LOC400499: variants seen among roughly 807,000 people sequenced by gnomAD.
At chr16:11,423,705 T>C in the LOC400499 span, among the ~76,000 whole-genome samples, 7 of 152,302 alleles carry the variant, frequency 4.6e-5, no homozygotes, top group South Asian at 1.4e-3. Context: ...TGCTTTTCAT[T>C]TCTGAGAACA....
chr16:11,390,230 G>A, the LOC400499 span: 1 of 1,232,466 alleles, frequency 8.1e-7, no homozygotes, highest in East Asian at 3.2e-5. Context: ...AGTGAGAGCT[G>A]GCTCAGTCAT....
chr16:11,398,061 C>T, the LOC400499 span, among the ~76,000 whole-genome samples: 1 of 152,204 alleles, frequency 6.6e-6, no homozygotes, highest in Non-Finnish European at 1.5e-5. Flanking sequence ...GCAGCTCTAA[C>T]TCATGTGCCC....
the LOC400499 span, among the ~76,000 whole-genome samples, chr16:11,491,455 G>T: frequency 6.6e-6 from 1 of 152,148 alleles, no homozygotes; most frequent in Non-Finnish European, 1.5e-5. Context: ...GAGGACCAGA[G>T]AGGAGAAGCA....
chr16:11,459,065 T>A, the LOC400499 span, among the ~76,000 whole-genome samples: 2 of 148,768 alleles, frequency 1.3e-5, no homozygotes, highest in Admixed American at 6.7e-5. Context: ...AATAAATAAA[T>A]AAATAAATAA....
the LOC400499 span, among the ~76,000 whole-genome samples, chr16:11,504,534 C>A: frequency 4.2e-3 from 634 of 151,774 alleles, 4 homozygotes; most frequent in African/African-American, 0.014. Context: ...CCAGCCTGAG[C>A]AACAGAGCGA....
the LOC400499 span, among the ~76,000 whole-genome samples, chr16:11,429,827 A>T: frequency 1.3e-5 from 2 of 152,168 alleles, no homozygotes; most frequent in Admixed American, 6.5e-5. Flanking sequence ...CCATTTGGCA[A>T]TCATCATAAC....
At chr16:11,520,646 G>A in the LOC400499 span, among the ~76,000 whole-genome samples, 935 of 132,960 alleles carry the variant, frequency 7.0e-3, 9 homozygotes, top group African/African-American at 0.025. Flanking sequence ...CAGCCTGGGC[G>A]ACAGAGTGAG....
chr16:11,455,278 A>G, the LOC400499 span, among the ~76,000 whole-genome samples: 1 of 152,234 alleles, frequency 6.6e-6, no homozygotes, highest in Non-Finnish European at 1.5e-5. Flanking sequence ...AGGGGCACCA[A>G]TCTAAGAGTT....
At chr16:11,502,159 G>T in the LOC400499 span, 40 of 399,022 alleles carry the variant, frequency 1.0e-4, no homozygotes, top group African/African-American at 7.0e-4. Context: ...TGGGACACCA[G>T]TGTCAGGAAC....
the LOC400499 span, among the ~76,000 whole-genome samples, chr16:11,460,252 A>T: frequency 6.6e-6 from 1 of 152,148 alleles, no homozygotes; most frequent in African/African-American, 2.4e-5. Context: ...ACTGGAGTAC[A>T]GTGGCGCCAT....
chr16:11,397,650 A>G, the LOC400499 span, among the ~76,000 whole-genome samples: 2 of 152,002 alleles, frequency 1.3e-5, no homozygotes, highest in Admixed American at 6.6e-5. Context: ...AGACAGTGGT[A>G]AAGTTGGTTG....
the LOC400499 span, among the ~76,000 whole-genome samples, chr16:11,459,723 C>G: frequency 6.6e-6 from 1 of 152,226 alleles, no homozygotes; most frequent in Non-Finnish European, 1.5e-5. Context: ...GTTTCTCACC[C>G]CTGGGGACAT....
chr16:11,383,753 C>A, the LOC400499 span: 1 of 1,232,358 alleles, frequency 8.1e-7, no homozygotes. Context: ...GGGACCTGCA[C>A]ACACAGGCTG....
chr16:11,479,838 C>T, the LOC400499 span, among the ~76,000 whole-genome samples: 6 of 152,076 alleles, frequency 3.9e-5, no homozygotes, highest in Non-Finnish European at 2.9e-5. Flanking sequence ...CTTTCCGTCC[C>T]GAGATCCAAT....
At chr16:11,404,528 G>A in the LOC400499 span, among the ~76,000 whole-genome samples, 1 of 152,198 alleles carries the variant, frequency 6.6e-6, no homozygotes, top group Non-Finnish European at 1.5e-5. Context: ...TGTATTTTTA[G>A]TAGAGATGGG....
the LOC400499 span, among the ~76,000 whole-genome samples, chr16:11,423,420 G>A: frequency 2.0e-5 from 3 of 152,340 alleles, no homozygotes; most frequent in Non-Finnish European, 2.9e-5. Context: ...GCGAAGCCAC[G>A]GCATCATCAT....
At chr16:11,375,602 T>A in the LOC400499 span, among the ~76,000 whole-genome samples, 1 of 151,934 alleles carries the variant, frequency 6.6e-6, no homozygotes, top group Non-Finnish European at 1.5e-5. Flanking sequence ...CGTGAGCCAC[T>A]GTGCCTGGCC....
chr16:11,477,853 C>CGA, the LOC400499 span: 1 of 398,986 alleles, frequency 2.5e-6, no homozygotes. Flanking sequence ...CAGAGAAATC[C>CGA]GAGCGCTGCT....
the LOC400499 span, among the ~76,000 whole-genome samples, chr16:11,489,359 G>T: frequency 0.063 from 9,661 of 152,196 alleles, 554 homozygotes; most frequent in East Asian, 0.3. Flanking sequence ...TATCTTGCAG[G>T]GCTTTTTGGG....
Sources: allele counts gnomAD v4.1 joint callset (sites outside exome capture counted in the v4.1 genomes callset), GRCh38; gene constraint gnomAD v4.1.1; transcripts MANE v1.5.